Variants in ELOVL7 observed in about 807,000 individuals in gnomAD.
ELOVL7 encodes the protein very long chain fatty acid elongase 7.
In ELOVL7, 27 loss-of-function variants were observed where a neutral mutation model predicts 35.7. That is an observed-to-expected ratio of 0.76 (90% CI 0.56 to 1.04). The LOEUF is 1.04. Among genes scored for constraint, ELOVL7 ranks in the 50% least tolerant of loss-of-function variants. ELOVL7 has a pLI of 0.00. For synonymous variants in ELOVL7, 113 were observed against 114.6 expected, an observed-to-expected ratio of 0.99 and a Z score of 0.09; for missense variants, 327 against 340.8, an observed-to-expected ratio of 0.96 and a Z score of 0.32.
At chr5:60,757,201 T>C (rs536568717) in intron 8 of ELOVL7, among the ~76,000 whole-genome samples, 1 of 152,218 alleles carries the variant, frequency 6.6e-6, no homozygotes, top group East Asian at 1.9e-4. Context: ...TAATTTCTAA[T>C]AGGTATTATG....
At chr5:60,780,990 G>A (rs1743215806) in intron 3 of ELOVL7, among the ~76,000 whole-genome samples, 1 of 152,122 alleles carries the variant, frequency 6.6e-6, no homozygotes, top group African/African-American at 2.4e-5. Context: ...GCAGGTGATC[G>A]CTTGAGGTCA....
At chr5:60,783,622 AT>A (rs986123111) in intron 3 of ELOVL7, among the ~76,000 whole-genome samples, 3 of 152,324 alleles carry the variant, frequency 2.0e-5, no homozygotes, top group Admixed American at 1.3e-4. Flanking sequence ...AAACAGCTCT[AT>A]TTCAAAACAC....
At chr5:60,813,906 C>T (rs1638652669) in intron 1 of ELOVL7, among the ~76,000 whole-genome samples, 1 of 152,102 alleles carries the variant, frequency 6.6e-6, no homozygotes, top group South Asian at 2.1e-4. Flanking sequence ...AAACAAAATA[C>T]GAAGGTCTCC....
At position 60,811,135 on chromosome 5, in the gene ELOVL7, T is replaced by C. The variant is rs1309356828; in HGVS notation, c.-85-11905A>G. ...TTACTGAGATTTGATTCTCAAAAACTTGAGGAATGTGTTTTCATTAAGGTC... is the reference window on the plus strand; with the variant it reads ...TTACTGAGATTTGATTCTCAAAAACCTGAGGAATGTGTTTTCATTAAGGTC... On this transcript the variant is annotated intron_variant, in intron 1 of 8. Transcript: ENST00000508821. Among the ~76,000 whole-genome samples the C allele has an allele frequency of 2.6e-5, 4 of 152,148 alleles. No individual in the cohort carries two copies. In the East Asian group the frequency reaches 7.7e-4, roughly 29 times the overall value.
At chr5:60,783,975 A>G (rs941280051) in intron 3 of ELOVL7, 2 of 591,068 alleles carry the variant, frequency 3.4e-6, no homozygotes, top group Non-Finnish European at 6.3e-6. Flanking sequence ...ATGGGAAGGC[A>G]GGCTGTCTGA....
intron 3 of ELOVL7, among the ~76,000 whole-genome samples, chr5:60,783,318 C>T (rs1475317540): frequency 6.6e-6 from 1 of 152,134 alleles, no homozygotes; most frequent in Non-Finnish European, 1.5e-5. Context: ...ATTAGCTCTC[C>T]CTTACTGAGA....
chr5:60,840,263 G>A (rs1747087666), intron 1 of ELOVL7, among the ~76,000 whole-genome samples: 1 of 152,178 alleles, frequency 6.6e-6, no homozygotes, highest in Non-Finnish European at 1.5e-5. Flanking sequence ...TTTTGCAGAT[G>A]TTAAAATGAG....
chr5:60,834,600 T>C (rs866522404), intron 1 of ELOVL7, among the ~76,000 whole-genome samples: 1 of 152,128 alleles, frequency 6.6e-6, no homozygotes, highest in Non-Finnish European at 1.5e-5. Context: ...GCCAGAAATT[T>C]GAGATCAGCT....
At chr5:60,801,568 T>C (rs1744615863) in intron 1 of ELOVL7, among the ~76,000 whole-genome samples, 1 of 151,852 alleles carries the variant, frequency 6.6e-6, no homozygotes, top group African/African-American at 2.4e-5. Flanking sequence ...CCAGGCATGG[T>C]GGCGCACACC....
chr5:60,787,429 G>T lies in ELOVL7; in HGVS notation c.-32C>A. The T allele has an allele frequency of 6.7e-7, 1 of 1,503,342 alleles. No individual in the cohort carries two copies. The highest frequency in any genetic ancestry group is 9.0e-7 in the Non-Finnish European group (1 of 1,108,964). The allele number at this position is 1,503,342 out of a possible 1,614,324, so 93.1% of individuals were successfully genotyped here. ...CAGGATTTACTGGCTCTTTTAATGG[G>T]TTCTTCAGTAAAATAAAACAGAAAT... On this transcript the variant is annotated splice_region_variant and 5_prime_UTR_variant, in exon 3 of 9. Coordinates refer to ENST00000508821, the MANE Select transcript of ELOVL7 (RefSeq NM_024930.3).
At chr5:60,780,441 T>C (rs551728493) in intron 3 of ELOVL7, among the ~76,000 whole-genome samples, 45 of 152,208 alleles carry the variant, frequency 3.0e-4, no homozygotes, top group African/African-American at 1.1e-3. Context: ...TATTTTCCTG[T>C]CTTCTTCTCA....
intron 1 of ELOVL7, among the ~76,000 whole-genome samples, chr5:60,830,047 C>G (rs927338122): frequency 1.6e-4 from 24 of 152,162 alleles, no homozygotes; most frequent in African/African-American, 5.8e-4. Context: ...TGTCCATTCT[C>G]TACGTGAGGC....
At chr5:60,822,072 A>C (rs1012113824) in intron 1 of ELOVL7, among the ~76,000 whole-genome samples, 1 of 152,252 alleles carries the variant, frequency 6.6e-6, no homozygotes, top group Non-Finnish European at 1.5e-5. Context: ...CAATGCAACA[A>C]TGCAAATGTC....
intron 1 of ELOVL7, among the ~76,000 whole-genome samples, chr5:60,818,555 T>C (rs959875796): frequency 6.6e-6 from 1 of 152,062 alleles, no homozygotes; most frequent in Non-Finnish European, 1.5e-5. Flanking sequence ...TGGCCATACA[T>C]AGAAGGAAGT....
intron 1 of ELOVL7, among the ~76,000 whole-genome samples, chr5:60,819,275 G>C (rs978684878): frequency 1.3e-5 from 2 of 151,978 alleles, no homozygotes; most frequent in African/African-American, 4.8e-5. Context: ...AAATGTTTAT[G>C]AATTAATGAA....
intron 1 of ELOVL7, among the ~76,000 whole-genome samples, chr5:60,836,044 G>A (rs1746780094): frequency 6.6e-6 from 1 of 151,980 alleles, no homozygotes; most frequent in Non-Finnish European, 1.5e-5. Context: ...ACTGTTAGAT[G>A]TCAACGGTAT....
chr5:60,817,575 GTA>G (rs891572344), intron 1 of ELOVL7, among the ~76,000 whole-genome samples: 9 of 145,172 alleles, frequency 6.2e-5, no homozygotes, highest in African/African-American at 1.0e-4. Context: ...ATATATATGT[GTA>G]TATATATATG....
At chr5:60,754,969 C>T in intron 8 of ELOVL7, 136 bp from the exon 9 acceptor site, 2 of 704,688 alleles carry the variant, frequency 2.8e-6, no homozygotes, top group Admixed American at 5.6e-5. Flanking sequence ...ATCTAGCCTC[C>T]CTGAGAGTGA....
chr5:60,793,740 C>A (rs996286343), intron 2 of ELOVL7, among the ~76,000 whole-genome samples: 1 of 152,012 alleles, frequency 6.6e-6, no homozygotes, highest in Non-Finnish European at 1.5e-5. Flanking sequence ...AAAGAGGTGC[C>A]AGCTGCATAC....
Sources: gnomAD v4.1 joint callset for allele counts (sites outside exome capture counted in the v4.1 genomes callset) on GRCh38, gnomAD v4.1.1 for gene constraint, MANE v1.5 for transcripts, NCBI Gene and HGNC (gene_info 2026-07-23, HGNC 2026-07-21) for gene names.